Variants in CLASRP observed in about 807,000 individuals in gnomAD.
CLASRP encodes the protein CLK4-associating serine/arginine rich protein.
A neutral mutation model predicts 99.9 loss-of-function variants in CLASRP; 52 were observed. The ratio of observed to expected loss-of-function variants is 0.52; its 90% CI spans 0.42 to 0.66. The LOEUF is 0.66. Among genes scored for constraint, CLASRP ranks in the 30% least tolerant of loss-of-function variants. The probability of loss-of-function intolerance (pLI) is 0.00; values close to 1 mark genes in which losing one functional copy is unlikely to be tolerated. For synonymous variants in CLASRP, 379 were observed against 373.0 expected, an observed-to-expected ratio of 1.02 and a Z score of -0.18; for missense variants, 848 against 999.2, an observed-to-expected ratio of 0.85 and a Z score of 2.04.
chr19:45,049,803 G>T (rs1971987382), intron 2 of CLASRP, among the ~76,000 whole-genome samples: 1 of 152,172 alleles, frequency 6.6e-6, no homozygotes, highest in African/African-American at 2.4e-5. Flanking sequence ...CCAAAACAGA[G>T]CCCTGCCTCC....
At chr19:45,055,371 G>C (rs199645021) in intron 5 of CLASRP, among the ~76,000 whole-genome samples, 3 of 152,218 alleles carry the variant, frequency 2.0e-5, no homozygotes, top group Admixed American at 6.5e-5. Flanking sequence ...GAGAAGGCCC[G>C]TGTGGCTGGA....
chr19:45,064,042 C>T lies in CLASRP; in HGVS notation c.936C>T (p.Arg312=), dbSNP rs537392385. 9.9e-6 allele frequency: 16 copies of T among 1,612,280 alleles called. No individual in the cohort carries two copies. The African/African-American group carries it at 1.3e-4, about 13-fold the overall frequency. Residue 312 remains arginine, a synonymous_variant, in exon 12 of 21, where the codon CGC becomes CGT. Transcript: ENST00000221455. ...RSPSESSSES[R]SRSRSPTPGR... ...CCTCGGAGTCCAGCTCAGAGTCCCG[C>T]TCCCGCTCCCGCTCCCCGACCCCGG...
chr19:45,044,279 C>G (rs116884068), intron 2 of CLASRP, among the ~76,000 whole-genome samples: 304 of 152,348 alleles, frequency 2.0e-3, no homozygotes, highest in Non-Finnish European at 3.8e-3. Flanking sequence ...AGGTATTGAT[C>G]ATGCCTGTGT....
chr19:45,069,536 A>C (rs1600119452), intron 18 of CLASRP: 2 of 556,436 alleles, frequency 3.6e-6, no homozygotes, highest in Admixed American at 3.1e-5. Context: ...TGTTCCTGAT[A>C]CCCCTTCCCC....
At position 45,040,903 on chromosome 19, in the gene CLASRP, G is replaced by A. The variant is rs538570252; in HGVS notation, c.99+592G>A. 1.1e-4 allele frequency among the ~76,000 whole-genome samples: 16 copies of A among 152,218 alleles called. No homozygotes were observed. In the South Asian group the frequency reaches 3.3e-3, roughly 32 times the overall value. The stretch of plus-strand genomic sequence containing the variant: ...TGCTTGAGCCCGGGAGGAGGAGGCT[G>A]TAGTGCATGGAGATTGTGCCACTGA... On this transcript the variant is annotated intron_variant, in intron 2 of 20. Coordinates refer to ENST00000221455, the MANE Select transcript of CLASRP (RefSeq NM_007056.3).
intron 7 of CLASRP, 76 bp from the exon 8 acceptor site, chr19:45,059,192 G>T (rs1052282074): frequency 3.9e-6 from 5 of 1,288,014 alleles, no homozygotes; most frequent in Middle Eastern, 3.7e-4. Flanking sequence ...CATCATCCCC[G>T]CCTCCTGGAG....
In CLASRP at chr19:45,046,120, G is replaced by T. The variant is rs910516460; in HGVS notation, c.99+5809G>T. ...CCGATCTGGGCTGCCAAGCTGTGGA[G>T]TATGGCTGGGCCGTGGCTGATGGCT... On this transcript the variant is annotated intron_variant, in intron 2 of 20. Coordinates refer to ENST00000221455, the MANE Select transcript of CLASRP (RefSeq NM_007056.3). 1.3e-5 allele frequency among the ~76,000 whole-genome samples: 2 copies of T among 152,200 alleles called. 1 individual carries two copies. Among genetic ancestry groups the T allele is most frequent in the South Asian group, 4.1e-4 (2 of 4,832 alleles).
chr19:45,051,764 C>T (rs562623423), intron 2 of CLASRP, among the ~76,000 whole-genome samples: 2 of 151,874 alleles, frequency 1.3e-5, no homozygotes, highest in Non-Finnish European at 2.9e-5. Flanking sequence ...GTAAGGAGAT[C>T]GAGACCATCC....
At chr19:45,040,121 CTT>C in intron 1 of CLASRP, 61 bp from the exon 2 acceptor site, 1 of 866,488 alleles carries the variant, frequency 1.2e-6, no homozygotes, top group Admixed American at 2.3e-5. Flanking sequence ...TGTTAGATGA[CTT>C]TGATTCTGCC....
At chr19:45,070,642 C>T in intron 20 of CLASRP, 81 bp downstream of exon 20, 1 of 1,419,906 alleles carries the variant, frequency 7.0e-7, no homozygotes, top group Non-Finnish European at 1.0e-6. Flanking sequence ...ATTCCTCCAG[C>T]CTCACCCTGT....
Position 45,064,188 on chromosome 19 carries a change from A to C in CLASRP, c.1082A>C (p.Gln361Pro). ...ACAGGGAAGCCCCCCGCACCTCCCC[A>C]GCCTGGCGGCCCCGCCCCGGGACGT... The part of the protein sequence containing the change: ...VTTGKPPAPP[Q>P]PGGPAPGRNA... The change falls in exon 12 of 21, where the codon CAG becomes CCG. Residue 361 changes from glutamine to proline, a missense_variant. Gln to Pro is a moderately conservative substitution (Grantham distance 76). Transcript: ENST00000221455. 1 of 1,606,874 alleles carries C rather than the reference A, an allele frequency of 6.2e-7. No homozygotes were observed. The highest frequency in any genetic ancestry group is 8.5e-7 in the Non-Finnish European group (1 of 1,177,674).
intron 2 of CLASRP, among the ~76,000 whole-genome samples, chr19:45,043,032 T>C (rs1478267037): frequency 1.3e-5 from 2 of 152,170 alleles, no homozygotes; most frequent in African/African-American, 4.8e-5. Context: ...ATTTAAAATA[T>C]TGTATACAAT....
intron 5 of CLASRP, 149 bp downstream of exon 5, chr19:45,053,326 C>G (rs1013311013): frequency 1.4e-6 from 1 of 711,674 alleles, no homozygotes; most frequent in Non-Finnish European, 2.4e-6. Flanking sequence ...ACTCACTTTG[C>G]CTGCATCTCT....
At chr19:45,048,704 C>T (rs1201995289) in intron 2 of CLASRP, among the ~76,000 whole-genome samples, 1 of 151,858 alleles carries the variant, frequency 6.6e-6, no homozygotes, top group African/African-American at 2.4e-5. Flanking sequence ...AAGAATAGTA[C>T]CAGCTGGGCG....
At chr19:45,049,617 G>C (rs1206200396) in intron 2 of CLASRP, among the ~76,000 whole-genome samples, 1 of 152,232 alleles carries the variant, frequency 6.6e-6, no homozygotes, top group Non-Finnish European at 1.5e-5. Flanking sequence ...TGAGGGCTGA[G>C]ATGGAGACAG....
At chr19:45,055,827 C>G (rs972748880) in intron 5 of CLASRP, among the ~76,000 whole-genome samples, 6 of 152,034 alleles carry the variant, frequency 3.9e-5, no homozygotes, top group Non-Finnish European at 7.4e-5. Flanking sequence ...GAGTGAAACT[C>G]TGTCTTAAAA....
At chr19:45,063,032 G>C (rs1966977003) in intron 11 of CLASRP, among the ~76,000 whole-genome samples, 1 of 152,170 alleles carries the variant, frequency 6.6e-6, no homozygotes, top group Non-Finnish European at 1.5e-5. Flanking sequence ...GCTGTGGGTC[G>C]AGGTTAGATG....
chr19:45,058,000 C>G (rs528241025), intron 7 of CLASRP, 102 bp downstream of exon 7: 101 of 1,464,190 alleles, frequency 6.9e-5, no homozygotes, highest in Non-Finnish European at 8.6e-5. Flanking sequence ...CGAACCGTGT[C>G]TCTCTCCCTA....
chr19:45,064,387 CCTCCAGCTCCCG>C lies in CLASRP; in HGVS notation c.1176_1187del (p.Ser399_Ser402del), dbSNP rs749297652. The stretch of plus-strand genomic sequence containing the variant: ...TCCTCCTCCTCTTCTGCCTCGAGGA[CCTCCAGCTCCCG>C]CTCCAGCTCTCGCTCCAGCTCCCGC... On this transcript the variant is annotated inframe_deletion, in exon 13 of 21. Transcript: ENST00000221455. The C allele has an allele frequency of 3.7e-5, 57 of 1,531,116 alleles. No individual in the cohort carries two copies. The highest frequency in any genetic ancestry group is 2.7e-4 in the East Asian group (11 of 40,772). The allele number at this position is 1,531,116 out of a possible 1,614,324, so 94.8% of individuals were successfully genotyped here.
Sources: allele counts gnomAD v4.1 joint callset (sites outside exome capture counted in the v4.1 genomes callset), GRCh38; gene constraint gnomAD v4.1.1; transcripts MANE v1.5; gene names NCBI Gene and HGNC (gene_info 2026-07-23, HGNC 2026-07-21).